MAPK10: variants seen among roughly 807,000 people sequenced by gnomAD.
The protein encoded by MAPK10 is mitogen-activated protein kinase 10.
A neutral mutation model predicts 59.3 loss-of-function variants in MAPK10; 25 were observed. That is an observed-to-expected ratio of 0.42 (90% CI 0.31 to 0.59). The LOEUF (loss-of-function observed/expected upper bound fraction) is 0.59, where lower values mean the gene tolerates loss of function less well. Among genes scored for constraint, MAPK10 ranks in the 20% least tolerant of loss-of-function variants. MAPK10 has a pLI of 0.15. For synonymous variants in MAPK10, 190 were observed against 200.5 expected (o/e 0.95, Z 0.44); for missense variants, 351 against 568.9 (o/e 0.62, Z 3.90).
At chr4:86,446,215 G>A (rs1021764545) in intron 1 of MAPK10, among the ~76,000 whole-genome samples, 1 of 152,026 alleles carries the variant, frequency 6.6e-6, no homozygotes, top group African/African-American at 2.4e-5. Context: ...ATTTGAAAGT[G>A]GATTTGGATT....
intron 2 of MAPK10, among the ~76,000 whole-genome samples, chr4:86,351,047 C>A (rs947676864): frequency 1.3e-5 from 2 of 152,024 alleles, no homozygotes; most frequent in Non-Finnish European, 2.9e-5. Context: ...AAGCCACTTA[C>A]CCTCCTTAGC....
chr4:86,277,046 T>C (rs1245650086), intron 2 of MAPK10: 2 of 152,188 alleles, frequency 1.3e-5, no homozygotes, highest in Admixed American at 1.3e-4. Flanking sequence ...GAGTGTCCTC[T>C]TACTTGTCTC....
At chr4:86,444,024 A>C (rs1272130162) in intron 1 of MAPK10, among the ~76,000 whole-genome samples, 1 of 151,900 alleles carries the variant, frequency 6.6e-6, no homozygotes, top group Non-Finnish European at 1.5e-5. Flanking sequence ...TAGAAACTGA[A>C]AATTTAAAAA....
At chr4:86,221,532 G>A (rs2089593095) in intron 2 of MAPK10, among the ~76,000 whole-genome samples, 1 of 151,894 alleles carries the variant, frequency 6.6e-6, no homozygotes, top group African/African-American at 2.4e-5. Context: ...GGCTGCCCAG[G>A]CAGGAGTTCA....
intron 11 of MAPK10, among the ~76,000 whole-genome samples, chr4:86,061,769 T>C (rs1374691311): frequency 6.6e-6 from 1 of 152,174 alleles, no homozygotes; most frequent in Non-Finnish European, 1.5e-5. Flanking sequence ...TCTTTGAATT[T>C]CCTTCCCTCC....
At chr4:86,463,231 C>T (rs573461993) in intron 1 of MAPK10, among the ~76,000 whole-genome samples, 1 of 152,274 alleles carries the variant, frequency 6.6e-6, no homozygotes, top group African/African-American at 2.4e-5. Flanking sequence ...AAAAAATTGG[C>T]CTTTAATAGT....
intron 9 of MAPK10, among the ~76,000 whole-genome samples, chr4:86,077,249 C>G (rs2049688053): frequency 6.6e-6 from 1 of 151,924 alleles, no homozygotes; most frequent in Admixed American, 6.6e-5. Context: ...TATCTGAAAT[C>G]CTAAGATTGA....
At chr4:86,340,081 CT>C (rs750014530) in intron 2 of MAPK10, among the ~76,000 whole-genome samples, 3 of 152,192 alleles carry the variant, frequency 2.0e-5, no homozygotes, top group Non-Finnish European at 4.4e-5. Flanking sequence ...GGTAATGATA[CT>C]TGCTAAAAGA....
At chr4:86,588,866 A>G (rs1303898029) in intron 1 of MAPK10, among the ~76,000 whole-genome samples, 1 of 152,186 alleles carries the variant, frequency 6.6e-6, no homozygotes, top group Non-Finnish European at 1.5e-5. Context: ...AAATTCACTC[A>G]TACCTCCTTC....
At position 86,522,700 on chromosome 4, in the gene MAPK10, G is replaced by C. The variant is rs564573206; in HGVS notation, c.-263+71210C>G. The stretch of plus-strand genomic sequence containing the variant: ...GTTCTCAGGTTATCAAAATCCATTT[G>C]CTGACTACAGATAGGAGGAGTGATC... On this transcript the variant is annotated intron_variant, in intron 1 of 4. Transcript: ENST00000502302. Among the ~76,000 whole-genome samples the C allele has an allele frequency of 4.6e-4, 70 of 152,212 alleles. 2 individuals are homozygous for C. In the South Asian group the frequency reaches 0.012, roughly 26 times the overall value.
intron 9 of MAPK10, chr4:86,080,253 T>C (rs533837867): frequency 6.6e-6 from 1 of 150,898 alleles, no homozygotes. Flanking sequence ...TCAAGGAAGA[T>C]AAATAAAAAG....
intron 2 of MAPK10, among the ~76,000 whole-genome samples, chr4:86,350,849 C>T (rs1730959100): frequency 6.6e-6 from 1 of 152,080 alleles, no homozygotes; most frequent in Non-Finnish European, 1.5e-5. Flanking sequence ...TGATGAGGAC[C>T]TAAATTATGG....
chr4:86,201,230 G>A (rs2082552129), intron 2 of MAPK10, among the ~76,000 whole-genome samples: 1 of 151,842 alleles, frequency 6.6e-6, no homozygotes, highest in Non-Finnish European at 1.5e-5. Flanking sequence ...ATGTACCACA[G>A]TTTATTTATC....
intron 1 of MAPK10, among the ~76,000 whole-genome samples, chr4:86,507,615 GATATATATATATATAT>G (rs767683551): frequency 0.015 from 532 of 35,616 alleles, 16 homozygotes; most frequent in African/African-American, 0.02. Context: ...ATAAACTGGA[GATATATATATATATAT>G]ATATATATAT....
intron 1 of MAPK10, among the ~76,000 whole-genome samples, chr4:86,468,605 G>C: frequency 6.6e-6 from 1 of 152,216 alleles, no homozygotes; most frequent in Non-Finnish European, 1.5e-5. Flanking sequence ...TGTAATCCCA[G>C]CACTTTGGAA....
chr4:86,175,760 C>T (rs1432591719), intron 3 of MAPK10, among the ~76,000 whole-genome samples: 1 of 152,136 alleles, frequency 6.6e-6, no homozygotes, highest in African/African-American at 2.4e-5. Context: ...ATTACCTAGC[C>T]TCAGGTACAT....
At chr4:86,587,608 G>C (rs759599552) in intron 1 of MAPK10, among the ~76,000 whole-genome samples, 2 of 152,174 alleles carry the variant, frequency 1.3e-5, no homozygotes, top group Non-Finnish European at 2.9e-5. Flanking sequence ...AGCAAGAAAG[G>C]ATAATATGCT....
At chr4:86,161,749 G>A (rs188704167) in intron 3 of MAPK10, among the ~76,000 whole-genome samples, 1 of 152,104 alleles carries the variant, frequency 6.6e-6, no homozygotes, top group African/African-American at 2.4e-5. Flanking sequence ...CCTTCACTTT[G>A]GAAGTGTGGC....
At chr4:86,192,225 T>C (rs2080092908) in intron 3 of MAPK10, 1 of 152,178 alleles carries the variant, frequency 6.6e-6, no homozygotes, top group Non-Finnish European at 1.5e-5. Context: ...ATTTTAACCT[T>C]GGTGAACCTG....
Sources: allele counts gnomAD v4.1 joint callset (sites outside exome capture counted in the v4.1 genomes callset), GRCh38; gene constraint gnomAD v4.1.1; transcripts MANE v1.5; gene names NCBI Gene and HGNC (gene_info 2026-07-23, HGNC 2026-07-21).